PCDH15: variants seen among roughly 807,000 people sequenced by gnomAD.
The protein encoded by PCDH15 is protocadherin related 15.
PCDH15 carries 129 observed loss-of-function variants against 178.5 expected under a neutral mutation model. That is an observed-to-expected ratio of 0.72 (90% CI 0.63 to 0.84). The LOEUF (loss-of-function observed/expected upper bound fraction) is 0.84. PCDH15 is among the 40% of genes least tolerant of loss of function. The probability of loss-of-function intolerance (pLI) is 0.00; values close to 1 mark genes in which losing one functional copy is unlikely to be tolerated. For missense variants in PCDH15, 2,230 were observed against 2,099.9 expected (o/e 1.06, Z -1.21); for synonymous variants, 800 against 732.0 (o/e 1.09, Z -1.50).
rs143125577 is a variant in PCDH15, at chr10:55,347,003, C to T, written c.-155-180352G>A. 5.3e-3 allele frequency among the ~76,000 whole-genome samples: 811 copies of T among 152,050 alleles called. 7 individuals carry two copies. Among genetic ancestry groups the T allele is most frequent in the African/African-American group, 0.017 (721 of 41,482 alleles). On this transcript the variant is annotated intron_variant, in intron 2 of 5. Coordinates refer to the PCDH15 transcript ENST00000613346. Reference sequence around the variant, plus strand: ...GCTGAGGTGGGAGGATCACTTGGCTCAGGAGTTCAAGACCAGACTGGGCAA... The same window carrying T: ...GCTGAGGTGGGAGGATCACTTGGCTTAGGAGTTCAAGACCAGACTGGGCAA...
At chr10:55,369,390 G>A (rs979929310) in intron 2 of PCDH15, among the ~76,000 whole-genome samples, 6 of 152,000 alleles carry the variant, frequency 3.9e-5, no homozygotes, top group African/African-American at 1.2e-4. Flanking sequence ...TCAACAAAGT[G>A]TATATTGAGT....
At chr10:54,920,461 T>G in intron 2 of PCDH15, among the ~76,000 whole-genome samples, 1 of 103,542 alleles carries the variant, frequency 9.7e-6, no homozygotes, top group African/African-American at 4.2e-5. Context: ...AGAGCAAGAC[T>G]GTGTCTCAAA....
intron 25 of PCDH15, among the ~76,000 whole-genome samples, chr10:53,935,704 A>G (rs553778400): frequency 6.6e-6 from 1 of 152,326 alleles, no homozygotes; most frequent in African/African-American, 2.4e-5. Flanking sequence ...TTTGAGTATG[A>G]TAGTGAATCA....
chr10:55,115,726 C>T (rs1052103987), intron 2 of PCDH15, among the ~76,000 whole-genome samples: 4 of 152,130 alleles, frequency 2.6e-5, no homozygotes, highest in African/African-American at 7.2e-5. Flanking sequence ...CTTCCATCTG[C>T]CATGTCACTA....
At chr10:55,608,348 C>T (rs1292106611) in intron 2 of PCDH15, among the ~76,000 whole-genome samples, 4 of 151,266 alleles carry the variant, frequency 2.6e-5, no homozygotes, top group African/African-American at 9.7e-5. Flanking sequence ...TAATAAAATA[C>T]AGCAGGGAGA....
rs570355510 is a variant in PCDH15 at position 54,876,298 on chromosome 10, C to T, written c.-29+21152G>A. The stretch of plus-strand genomic sequence containing the variant: ...TCACAATGTTCCTAGTAACTCAAGA[C>T]CTCTGATGTGGATGTACAAAGAAGG... On this transcript the variant is annotated intron_variant, in intron 3 of 5. Transcript: ENST00000458638. Among the ~76,000 whole-genome samples the T allele has an allele frequency of 2.0e-5, 3 of 152,174 alleles. No homozygotes were observed. The East Asian group carries it at 5.8e-4, about 29-fold the overall frequency.
chr10:54,323,939 A>G (rs1167806206), intron 7 of PCDH15, among the ~76,000 whole-genome samples: 1 of 152,122 alleles, frequency 6.6e-6, no homozygotes, highest in East Asian at 1.9e-4. Flanking sequence ...CTTATTTTTT[A>G]TGCAAACCAG....
At chr10:55,097,548 A>G (rs748488039) in intron 2 of PCDH15, among the ~76,000 whole-genome samples, 11 of 152,174 alleles carry the variant, frequency 7.2e-5, no homozygotes, top group Non-Finnish European at 1.2e-4. Context: ...TATAAATTAA[A>G]GGATAGAAAA....
intron 1 of PCDH15, among the ~76,000 whole-genome samples, chr10:55,234,534 A>AT (rs1360047530): frequency 6.6e-6 from 1 of 151,184 alleles, no homozygotes; most frequent in African/African-American, 2.4e-5. Context: ...CTCCCAACTA[A>AT]TTTTTTTGGT....
chr10:55,362,254 C>T (rs1156917791), intron 2 of PCDH15, among the ~76,000 whole-genome samples: 2 of 152,148 alleles, frequency 1.3e-5, no homozygotes, highest in South Asian at 2.1e-4. Context: ...AAAAACTACT[C>T]GTGGTACTTT....
intron 25 of PCDH15, among the ~76,000 whole-genome samples, chr10:53,929,158 G>A (rs2084825646): frequency 6.6e-6 from 1 of 152,024 alleles, no homozygotes; most frequent in Non-Finnish European, 1.5e-5. Context: ...CAATGGAAGA[G>A]CACTGCCTCA....
intron 2 of PCDH15, among the ~76,000 whole-genome samples, chr10:55,431,871 C>T (rs1013651874): frequency 6.6e-6 from 1 of 152,058 alleles, no homozygotes; most frequent in Non-Finnish European, 1.5e-5. Context: ...CATTTCCCTC[C>T]TCTTTATCTT....
At position 54,888,136 on chromosome 10, in the gene PCDH15, C is replaced by T. The variant is rs185805900; in HGVS notation, c.-29+9314G>A. ...CAACCATTACAATCAAGATAAAGGA[C>T]GTATGTATCACCCCCAGAAGTTTCC... is the stretch of plus-strand genomic sequence containing the variant. On this transcript the variant is annotated intron_variant, in intron 3 of 5. Transcript: ENST00000458638. Among the ~76,000 whole-genome samples the T allele has an allele frequency of 4.9e-4, 74 of 152,208 alleles. No homozygotes were observed. In the East Asian group the frequency reaches 9.3e-3, roughly 19 times the overall value.
chr10:54,750,307 T>C (rs1946054627), intron 1 of PCDH15, among the ~76,000 whole-genome samples: 1 of 147,712 alleles, frequency 6.8e-6, no homozygotes, highest in African/African-American at 2.5e-5. Context: ...AATTGTTAGT[T>C]TATCCACAGG....
chr10:55,172,209 T>C (rs905490533), intron 1 of PCDH15, among the ~76,000 whole-genome samples: 2 of 152,052 alleles, frequency 1.3e-5, no homozygotes, highest in East Asian at 1.9e-4. Context: ...TAGGGAACCT[T>C]GACTGACAAA....
At chr10:54,253,242 A>G (rs1187867843) in intron 8 of PCDH15, among the ~76,000 whole-genome samples, 1 of 152,100 alleles carries the variant, frequency 6.6e-6, no homozygotes, top group East Asian at 1.9e-4. Flanking sequence ...TAATTTTCAT[A>G]TGTTGATTGA....
rs529866337 is a variant in PCDH15 at position 55,031,862 on chromosome 10, AT to A, written c.-79-134363del. On this transcript the variant is annotated intron_variant, in intron 2 of 5. Coordinates refer to the PCDH15 transcript ENST00000458638. ...ACCCCCAGAGCTATGAGAAAAACAC[AT>A]TTTTGTTCTTTATAAATTACCCAGT... Among the ~76,000 whole-genome samples the A allele has an allele frequency of 1.7e-4, 26 of 152,236 alleles. No homozygotes were observed. In the East Asian group the frequency reaches 4.8e-3, roughly 28 times the overall value.
chr10:54,421,946 A>AT (rs1565232619), intron 3 of PCDH15, among the ~76,000 whole-genome samples: 46 of 84,344 alleles, frequency 5.5e-4, no homozygotes, highest in African/African-American at 7.8e-4. Context: ...TATATATATA[A>AT]AAATATATAT....
intron 21 of PCDH15, among the ~76,000 whole-genome samples, chr10:53,969,697 C>T (rs919721696): frequency 6.6e-6 from 1 of 152,140 alleles, no homozygotes; most frequent in African/African-American, 2.4e-5. Context: ...GAGCAGGGGA[C>T]AATATTCAAC....
Sources: allele counts gnomAD v4.1 joint callset (sites outside exome capture counted in the v4.1 genomes callset), GRCh38; gene constraint gnomAD v4.1.1; transcripts MANE v1.5; gene names NCBI Gene and HGNC (gene_info 2026-07-23, HGNC 2026-07-21).